Variants in RUNX1 observed in about 807,000 individuals in gnomAD.
RUNX1 encodes RUNX family transcription factor 1.
A neutral mutation model predicts 42.8 loss-of-function variants in RUNX1; 19 were observed. That is an observed-to-expected ratio of 0.44 (90% CI 0.31 to 0.65). The LOEUF is 0.65. Ranked by LOEUF, RUNX1 falls within the 30% of genes least tolerant of loss-of-function variation. The pLI, the probability that RUNX1 is intolerant of heterozygous loss-of-function variation, is 0.07. For synonymous variants in RUNX1, 271 were observed against 289.4 expected, an observed-to-expected ratio of 0.94 and a Z score of 0.64; for missense variants, 528 against 672.0, an observed-to-expected ratio of 0.79 and a Z score of 2.37.
At chr21:34,825,027 T>C (rs1378244944) in intron 7 of RUNX1, among the ~76,000 whole-genome samples, 1 of 152,268 alleles carries the variant, frequency 6.6e-6, no homozygotes, top group African/African-American at 2.4e-5. Flanking sequence ...TAAAAGTTTC[T>C]TTTTTAAATG....
rs558390180 is a variant in RUNX1 at position 35,018,317 on chromosome 21, C to T, written c.58+30525G>A. Among the ~76,000 whole-genome samples, 5 of 152,274 alleles carry T rather than the reference C, an allele frequency of 3.3e-5. No homozygotes were observed. In the East Asian group the frequency reaches 7.7e-4, roughly 24 times the overall value. On this transcript the variant is annotated intron_variant, in intron 2 of 8. Coordinates refer to ENST00000675419, the MANE Select transcript of RUNX1 (RefSeq NM_001754.5). The stretch of plus-strand genomic sequence containing the variant: ...CTGGGATTATAGGCATAAGTCACTG[C>T]GCCTGGCCCCAAATTCATATTTCCA...
intron 4 of RUNX1, among the ~76,000 whole-genome samples, chr21:34,884,704 G>A (rs564065656): frequency 2.0e-5 from 3 of 152,196 alleles, no homozygotes; most frequent in Non-Finnish European, 4.4e-5. Context: ...GTTATGCAGT[G>A]AGCAGGTCTC....
intron 6 of RUNX1, among the ~76,000 whole-genome samples, chr21:34,842,980 G>T (rs1315510431): frequency 6.6e-6 from 1 of 152,160 alleles, no homozygotes; most frequent in African/African-American, 2.4e-5. Flanking sequence ...TGAGGCAGAA[G>T]AATTGCTAGA....
At chr21:34,951,151 G>C (rs561331265) in intron 2 of RUNX1, among the ~76,000 whole-genome samples, 55 of 152,092 alleles carry the variant, frequency 3.6e-4, no homozygotes, top group Non-Finnish European at 7.4e-4. Context: ...TCTGCCCAAG[G>C]GATAGTTCAC....
rs2056557484 is a variant in RUNX1, at chr21:34,798,186, G to A, written c.967+1115C>T. ...CTAATCTGCTATAATTTGATCCCAA[G>A]AGCTGAAAAGCAAGACCCGCCCCGT... On this transcript the variant is annotated intron_variant, in intron 8 of 8. Coordinates refer to ENST00000675419, the MANE Select transcript of RUNX1 (RefSeq NM_001754.5). 26 of 454,230 alleles carry A rather than the reference G, an allele frequency of 5.7e-5. 2 individuals are homozygous for A. The highest frequency in any genetic ancestry group is 3.7e-4 in the South Asian group (24 of 64,474). The allele number at this position is 454,230 out of a possible 1,614,324, so 28.1% of individuals were successfully genotyped here. A position where few individuals can be genotyped will look rare whatever the true frequency, so the allele number is the denominator to read the frequency against.
intron 2 of RUNX1, among the ~76,000 whole-genome samples, chr21:34,923,950 G>A (rs1329894518): frequency 6.6e-6 from 1 of 152,194 alleles, no homozygotes; most frequent in Non-Finnish European, 1.5e-5. Flanking sequence ...AGTGCCAGGA[G>A]GTCCTGGCCA....
At chr21:34,967,386 G>A (rs950856429) in intron 2 of RUNX1, among the ~76,000 whole-genome samples, 5 of 140,710 alleles carry the variant, frequency 3.6e-5, no homozygotes, top group African/African-American at 1.3e-4. Context: ...GCTTTCGTCT[G>A]GACTGATGGA....
intron 6 of RUNX1, among the ~76,000 whole-genome samples, chr21:34,855,033 G>A (rs1028937560): frequency 6.6e-6 from 1 of 152,146 alleles, no homozygotes; most frequent in Non-Finnish European, 1.5e-5. Flanking sequence ...CCTTTAACCT[G>A]GGGACAGACA....
Position 34,912,871 on chromosome 21 carries a change from C to G in RUNX1, c.59-19908G>C, listed in dbSNP as rs200864993. On this transcript the variant is annotated intron_variant, in intron 2 of 8. Transcript: ENST00000675419. ...CTAGGGTGTGGGGAGAAGCCCCTGGCCTTTCACTTGGGGTGGGGCTGGGGG... is the reference window on the plus strand; with the variant it reads ...CTAGGGTGTGGGGAGAAGCCCCTGGGCTTTCACTTGGGGTGGGGCTGGGGG... Among the ~76,000 whole-genome samples the G allele has an allele frequency of 5.4e-4, 82 of 152,340 alleles. No homozygotes were observed. In the East Asian group the frequency reaches 0.013, roughly 24 times the overall value.
intron 6 of RUNX1, among the ~76,000 whole-genome samples, chr21:34,853,682 G>A (rs544600393): frequency 1.3e-5 from 2 of 152,248 alleles, no homozygotes; most frequent in East Asian, 1.9e-4. Context: ...TGCTATTATC[G>A]AGTATTTTTA....
chr21:34,885,489 AAAAC>A (rs1168349687), intron 4 of RUNX1, among the ~76,000 whole-genome samples: 1 of 152,250 alleles, frequency 6.6e-6, no homozygotes, highest in African/African-American at 2.4e-5. Context: ...ACTAAAAAAC[AAAAC>A]AAACAAAAAA....
chr21:35,006,274 A>G (rs734382), intron 2 of RUNX1, among the ~76,000 whole-genome samples: 43,409 of 152,110 alleles, frequency 0.29, 6,775 homozygotes, highest in African/African-American at 0.39. Context: ...AACAGCCTCA[A>G]TGTTTTTCTT....
rs1481969984 is a variant in RUNX1, at chr21:34,799,215, G to A, written c.967+86C>T. 6 of 1,413,606 alleles carry A rather than the reference G, an allele frequency of 4.2e-6. No homozygotes were observed. The African/African-American group carries it at 5.6e-5, about 13-fold the overall frequency. The allele number at this position is 1,413,606 out of a possible 1,614,324, so 87.6% of individuals were successfully genotyped here. On this transcript the variant is annotated intron_variant, in intron 8 of 8. Coordinates refer to ENST00000675419, the MANE Select transcript of RUNX1 (RefSeq NM_001754.5). ...TTTAAACCATGTTTTACTCAATAATGTTCTGCCAACTCCTTCATGCACCTC... is the reference window on the plus strand; with the variant it reads ...TTTAAACCATGTTTTACTCAATAATATTCTGCCAACTCCTTCATGCACCTC...
At chr21:35,012,391 C>G (rs1176706094) in intron 2 of RUNX1, among the ~76,000 whole-genome samples, 1 of 152,152 alleles carries the variant, frequency 6.6e-6, no homozygotes, top group African/African-American at 2.4e-5. Flanking sequence ...GTCACTTTTA[C>G]AAAGTTTGTA....
intron 2 of RUNX1, among the ~76,000 whole-genome samples, chr21:34,925,189 T>C (rs2058383982): frequency 6.6e-6 from 1 of 152,194 alleles, no homozygotes; most frequent in South Asian, 2.1e-4. Context: ...TCCATAGCAC[T>C]GGTAGTTTGG....
At chr21:34,847,938 T>A (rs1005377114) in intron 6 of RUNX1, among the ~76,000 whole-genome samples, 2 of 152,154 alleles carry the variant, frequency 1.3e-5, no homozygotes, top group African/African-American at 4.8e-5. Context: ...CTTCTTTTTT[T>A]TTAAGTACTT....
chr21:34,932,080 G>A (rs1424080299), intron 2 of RUNX1, among the ~76,000 whole-genome samples: 2 of 152,112 alleles, frequency 1.3e-5, no homozygotes, highest in Non-Finnish European at 2.9e-5. Flanking sequence ...CATTAGAACT[G>A]CCTTGGAGCA....
intron 2 of RUNX1, among the ~76,000 whole-genome samples, chr21:34,916,863 A>G (rs1479544576): frequency 6.6e-6 from 1 of 152,170 alleles, no homozygotes; most frequent in Non-Finnish European, 1.5e-5. Context: ...TCTATGTGTT[A>G]TCTAACTTAA....
At chr21:34,815,522 G>A (rs2056813591) in intron 7 of RUNX1, among the ~76,000 whole-genome samples, 1 of 152,182 alleles carries the variant, frequency 6.6e-6, no homozygotes, top group Non-Finnish European at 1.5e-5. Context: ...GCTTCCATGA[G>A]GAGTGGGAAA....
Sources: allele counts gnomAD v4.1 joint callset (sites outside exome capture counted in the v4.1 genomes callset), GRCh38; gene constraint gnomAD v4.1.1; transcripts MANE v1.5; gene names NCBI Gene and HGNC (gene_info 2026-07-23, HGNC 2026-07-21).